Variants in EFCAB5 observed in about 807,000 individuals in gnomAD.
EFCAB5 encodes the protein EF-hand calcium-binding domain-containing protein 5.
A neutral mutation model predicts 167.9 loss-of-function variants in EFCAB5; 131 were observed. That is an observed-to-expected ratio of 0.78 (90% confidence interval 0.68 to 0.90). The LOEUF (loss-of-function observed/expected upper bound fraction) is 0.90. EFCAB5 is among the 40% of genes least tolerant of loss of function. The probability of loss-of-function intolerance (pLI) is 0.00; values close to 1 mark genes in which losing one functional copy is unlikely to be tolerated. For synonymous variants in EFCAB5, 574 were observed against 602.8 expected, an observed-to-expected ratio of 0.95 and a Z score of 0.70; for missense variants, 1,663 against 1,745.2, an observed-to-expected ratio of 0.95 and a Z score of 0.84.
chr17:29,998,412 C>T (rs560762061), intron 6 of EFCAB5, among the ~76,000 whole-genome samples: 12 of 152,230 alleles, frequency 7.9e-5, no homozygotes, highest in Admixed American at 2.6e-4. Context: ...ACTATTCATT[C>T]GGTCAATATT....
intron 3 of EFCAB5, among the ~76,000 whole-genome samples, chr17:29,953,294 A>AAAAAT (rs1266855651): frequency 6.6e-6 from 1 of 152,208 alleles, no homozygotes; most frequent in African/African-American, 2.4e-5. Flanking sequence ...TTGCCACAAA[A>AAAAAT]AAAATAAAAT....
At chr17:29,965,105 G>A (rs1349746100) in intron 3 of EFCAB5, among the ~76,000 whole-genome samples, 1 of 151,428 alleles carries the variant, frequency 6.6e-6, no homozygotes, top group Admixed American at 6.6e-5. Context: ...GGGTTTCATC[G>A]TGTTATCCAG....
chr17:29,934,539 A>G (rs1423583156), intron 1 of EFCAB5, among the ~76,000 whole-genome samples: 1 of 152,254 alleles, frequency 6.6e-6, no homozygotes, highest in Non-Finnish European at 1.5e-5. Flanking sequence ...AAGAGAGATC[A>G]TAAGCTGAGT....
chr17:30,078,530 G>C lies in EFCAB5; in HGVS notation c.3027+26G>C, dbSNP rs186975781. On this transcript the variant is annotated intron_variant, in intron 15 of 22. Coordinates refer to ENST00000394835, the MANE Select transcript of EFCAB5 (RefSeq NM_198529.4). ...GTACGTTTCCTAAAGCAGTATGTAA[G>C]AGGAAACATTTCCTCAAAGTAGGCG... The C allele has an allele frequency of 3.9e-6, 6 of 1,525,196 alleles. No homozygotes were observed. The East Asian group carries it at 1.4e-4, about 35-fold the overall frequency. The allele number at this position is 1,525,196 out of a possible 1,614,324, so 94.5% of individuals were successfully genotyped here.
intron 5 of EFCAB5, among the ~76,000 whole-genome samples, 196 bp from the exon 6 acceptor site, chr17:29,996,116 C>T (rs2151643082): frequency 6.6e-6 from 1 of 152,176 alleles, no homozygotes; most frequent in Non-Finnish European, 1.5e-5. Flanking sequence ...TCATAATACA[C>T]ATTTTCCATG....
In EFCAB5 at chr17:29,993,308, T is replaced by C. The variant is rs768387364; in HGVS notation, c.911T>C (p.Ile304Thr). 1 of 1,611,300 alleles carries C rather than the reference T, an allele frequency of 6.2e-7. No homozygotes were observed. The highest frequency in any genetic ancestry group is 1.1e-5 in the South Asian group (1 of 90,508). ...DEWILDPKGM[I>T]PKSVIQNVLQ... The stretch of plus-strand genomic sequence containing the variant: ...TGGATTCTAGACCCTAAAGGAATGA[T>C]TCCTAAGTCAGTGGTAAGAAAATTG... Residue 304 changes from isoleucine to threonine, a missense_variant, in exon 5 of 23, where the codon ATT becomes ACT. By Grantham distance (89) the Ile-to-Thr change is moderately conservative. Coordinates refer to ENST00000394835, the MANE Select transcript of EFCAB5 (RefSeq NM_198529.4).
chr17:29,942,432 C>A, intron 2 of EFCAB5, 130 bp downstream of exon 2: 2 of 769,292 alleles, frequency 2.6e-6, no homozygotes, highest in Non-Finnish European at 3.9e-6. Context: ...AAAGGACAAA[C>A]TCATGTTGAT....
In EFCAB5 at chr17:30,092,035, A is replaced by G. The variant is rs2071209773; in HGVS notation, c.4102A>G (p.Lys1368Glu). The G allele has an allele frequency of 6.2e-7, 1 of 1,613,880 alleles. No homozygotes were observed. Among genetic ancestry groups the G allele is most frequent in the Non-Finnish European group, 8.5e-7 (1 of 1,179,894 alleles). ...AGAGCCAAATTCTCCTCAAGACAGC[A>G]AATCTATGGAGTTGGAAGCCAACGT... ...VTEPNSPQDS[K>E]SMELEANVKL... Residue 1368 changes from lysine to glutamate, a missense_variant, in exon 21 of 23, where the codon AAA (lysine) becomes GAA (glutamate). Coordinates refer to ENST00000394835, the MANE Select transcript of EFCAB5 (RefSeq NM_198529.4).
At chr17:30,011,394 G>T (rs2068896963) in intron 7 of EFCAB5, among the ~76,000 whole-genome samples, 1 of 152,128 alleles carries the variant, frequency 6.6e-6, no homozygotes, top group Non-Finnish European at 1.5e-5. Context: ...ATTACCTTGG[G>T]CAGTATGGCC....
At chr17:29,946,084 T>C (rs1431790340) in intron 3 of EFCAB5, among the ~76,000 whole-genome samples, 1 of 152,040 alleles carries the variant, frequency 6.6e-6, no homozygotes. Flanking sequence ...TTGCCATGTG[T>C]CCAACAAAGA....
intron 1 of EFCAB5, among the ~76,000 whole-genome samples, chr17:29,934,240 A>C (rs555529681): frequency 2.0e-5 from 3 of 152,230 alleles, no homozygotes; most frequent in Non-Finnish European, 4.4e-5. Flanking sequence ...CAAGTAGGTG[A>C]TAAAAAAACT....
chr17:29,980,213 T>G (rs1055613945), intron 4 of EFCAB5, among the ~76,000 whole-genome samples: 3 of 152,076 alleles, frequency 2.0e-5, no homozygotes, highest in Admixed American at 6.5e-5. Flanking sequence ...GAACCTTTAC[T>G]CAGTCAATTA....
At chr17:30,069,312 C>A in intron 14 of EFCAB5, 9 of 1,515,150 alleles carry the variant, frequency 5.9e-6, no homozygotes, top group Non-Finnish European at 8.2e-6. Flanking sequence ...GAGTTATCCC[C>A]AGAAGAAATA....
intron 7 of EFCAB5, among the ~76,000 whole-genome samples, chr17:30,001,852 T>C (rs2068669095): frequency 6.6e-6 from 1 of 152,224 alleles, no homozygotes; most frequent in Non-Finnish European, 1.5e-5. Context: ...ATGCACTTTC[T>C]TGTGTAATCG....
chr17:30,080,841 A>G lies in EFCAB5; in HGVS notation c.3286A>G (p.Lys1096Glu). 1 of 1,613,844 alleles carries G rather than the reference A, an allele frequency of 6.2e-7. No individual in the cohort carries two copies. Among genetic ancestry groups the G allele is most frequent in the Non-Finnish European group, 8.5e-7 (1 of 1,179,844 alleles). ...NIFFWNQSRNKHDYNGSFLAL... is the reference protein window; with the variant it reads ...NIFFWNQSRNEHDYNGSFLAL... ...CTTCTTCTGGAACCAGTCCCGTAAT[A>G]AGCATGATTATAATGGTTCATTCCT... The change falls in exon 17 of 23, where the codon AAG becomes GAG. Residue 1096 changes from lysine to glutamate, a missense_variant. Physicochemically the swap from Lys to Glu is moderately conservative, Grantham distance 56 (BLOSUM62 1). Coordinates refer to ENST00000394835, the MANE Select transcript of EFCAB5 (RefSeq NM_198529.4).
intron 3 of EFCAB5, among the ~76,000 whole-genome samples, chr17:29,954,041 G>A (rs1040021971): frequency 1.9e-4 from 29 of 152,266 alleles, no homozygotes; most frequent in African/African-American, 6.5e-4. Context: ...GTATCTGGGG[G>A]AAGAAATTTC....
At position 29,995,425 on chromosome 17, in the gene EFCAB5, A is replaced by G. The variant is rs184884582; in HGVS notation, c.925-887A>G. Among the ~76,000 whole-genome samples, 30 of 152,306 alleles carry G rather than the reference A, an allele frequency of 2.0e-4. No individual in the cohort carries two copies. In the South Asian group the frequency reaches 4.4e-3, roughly 22 times the overall value. On this transcript the variant is annotated intron_variant, in intron 5 of 22. Transcript: ENST00000394835. ...GTCTGCTTTTGCTTTGACAGGACCA[A>G]TTCCACATCTTGGTAACCAACCATT...
intron 7 of EFCAB5, among the ~76,000 whole-genome samples, chr17:30,024,646 C>G (rs2069268758): frequency 6.6e-6 from 1 of 151,812 alleles, no homozygotes; most frequent in African/African-American, 2.4e-5. Flanking sequence ...CCCCATCAAG[C>G]TACCAATGAC....
chr17:30,004,787 A>AT (rs60231360), intron 7 of EFCAB5, among the ~76,000 whole-genome samples: 55,021 of 115,166 alleles, frequency 0.48, 13,428 homozygotes, highest in Non-Finnish European at 0.51. Context: ...CTCCTGGCTA[A>AT]TTTTTTTTTT....
Sources: allele counts gnomAD v4.1 joint callset (sites outside exome capture counted in the v4.1 genomes callset), GRCh38; gene constraint gnomAD v4.1.1; transcripts MANE v1.5; gene names NCBI Gene and HGNC (gene_info 2026-07-23, HGNC 2026-07-21).